Variants in GLIS3 observed in about 807,000 individuals in gnomAD.
GLIS3 encodes GLIS family zinc finger 3.
A neutral mutation model predicts 78.6 loss-of-function variants in GLIS3; 53 were observed. The observed-to-expected ratio is 0.67, with a 90% confidence interval of 0.54 to 0.85. GLIS3 has a LOEUF of 0.85. Ranked by LOEUF, GLIS3 falls within the 40% of genes least tolerant of loss-of-function variation. The pLI is 0.00. For synonymous variants in GLIS3, 684 were observed against 509.9 expected (o/e 1.34, Z -4.60); for missense variants, 1,703 against 1,231.1 (o/e 1.38, Z -5.74).
chr9:4,400,940 C>T, the GLIS3 span, among the ~76,000 whole-genome samples: 4 of 152,204 alleles, frequency 2.6e-5, no homozygotes, highest in African/African-American at 9.6e-5. Context: ...CCGTAGGCCT[C>T]GGGCTCTGAG....
intron 2 of GLIS3, among the ~76,000 whole-genome samples, chr9:4,232,288 G>A (rs1361166836): frequency 3.3e-5 from 5 of 150,592 alleles, no homozygotes; most frequent in Admixed American, 2.7e-4. Flanking sequence ...TGCCAAGGCA[G>A]GGGGATCACT....
the GLIS3 span, among the ~76,000 whole-genome samples, chr9:4,357,011 G>A: frequency 1.3e-5 from 2 of 152,158 alleles, no homozygotes; most frequent in Admixed American, 6.5e-5. Flanking sequence ...ATCTAAAATT[G>A]AAATCTAGCA....
intron 2 of GLIS3, among the ~76,000 whole-genome samples, chr9:4,133,247 G>C (rs560888277): frequency 1.4e-4 from 22 of 152,144 alleles, no homozygotes; most frequent in African/African-American, 4.8e-4. Flanking sequence ...TATAATCATT[G>C]AATTCAAGAC....
chr9:4,143,541 T>A (rs575337033), intron 2 of GLIS3, among the ~76,000 whole-genome samples: 1 of 150,780 alleles, frequency 6.6e-6, no homozygotes, highest in Non-Finnish European at 1.5e-5. Flanking sequence ...CACTCCAGCC[T>A]GGGCGACAGA....
At chr9:4,172,763 T>A (rs1376905453) in intron 2 of GLIS3, among the ~76,000 whole-genome samples, 1 of 152,198 alleles carries the variant, frequency 6.6e-6, no homozygotes, top group Admixed American at 6.5e-5. Context: ...AAACTCAAGC[T>A]ATGCAATACC....
chr9:4,264,068 C>T (rs1187682199), intron 2 of GLIS3, among the ~76,000 whole-genome samples: 2 of 152,198 alleles, frequency 1.3e-5, no homozygotes, highest in Admixed American at 1.3e-4. Context: ...TACCCAACAT[C>T]CCCACTTGAA....
At chr9:4,026,026 C>A (rs1823310335) in intron 4 of GLIS3, among the ~76,000 whole-genome samples, 1 of 152,172 alleles carries the variant, frequency 6.6e-6, no homozygotes, top group African/African-American at 2.4e-5. Flanking sequence ...AATTTGCTAA[C>A]ATAATCTATG....
intron 2 of GLIS3, among the ~76,000 whole-genome samples, chr9:4,163,280 GCA>G (rs893875964): frequency 2.6e-4 from 39 of 151,994 alleles, no homozygotes; most frequent in African/African-American, 8.7e-4. Flanking sequence ...GCGCACGCGC[GCA>G]CACATACCAT....
At chr9:4,139,456 C>A (rs1336021224) in intron 2 of GLIS3, among the ~76,000 whole-genome samples, 5 of 152,172 alleles carry the variant, frequency 3.3e-5, no homozygotes, top group Non-Finnish European at 1.5e-5. Context: ...GACTGAGGTC[C>A]CTGGTGGACA....
At chr9:4,396,851 A>T in the GLIS3 span, among the ~76,000 whole-genome samples, 1 of 152,062 alleles carries the variant, frequency 6.6e-6, no homozygotes, top group Non-Finnish European at 1.5e-5. Flanking sequence ...TTTGAAGTAA[A>T]GCGAGCCTGA....
intron 4 of GLIS3, among the ~76,000 whole-genome samples, chr9:4,084,256 A>C (rs1047019060): frequency 5.3e-5 from 7 of 132,198 alleles, no homozygotes; most frequent in East Asian, 4.5e-4. Context: ...TCCTCTCTCT[A>C]ACACACACAC....
At position 4,042,889 on chromosome 9, in the gene GLIS3, T is replaced by C. The variant is rs150531056; in HGVS notation, c.1710+74879A>G. Among the ~76,000 whole-genome samples, 239 of 151,376 alleles carry C rather than the reference T, an allele frequency of 1.6e-3. 2 individuals carry two copies. The highest frequency in any genetic ancestry group is 5.4e-3 in the African/African-American group (222 of 41,140). ...TTGAGTAAAAACTTGAAAGTACACA[T>C]TATTATGAGCAGAATGCAGCTATGT... is the stretch of plus-strand genomic sequence containing the variant. On this transcript the variant is annotated intron_variant, in intron 4 of 10. Coordinates refer to ENST00000381971, the MANE Select transcript of GLIS3 (RefSeq NM_001042413.2).
chr9:3,998,730 T>C (rs1820915442), intron 4 of GLIS3, among the ~76,000 whole-genome samples: 1 of 150,094 alleles, frequency 6.7e-6, no homozygotes, highest in South Asian at 2.1e-4. Context: ...TACTACTTTT[T>C]ATCCTTTATG....
chr9:4,274,565 A>T (rs1197676377), intron 2 of GLIS3, among the ~76,000 whole-genome samples: 1 of 152,216 alleles, frequency 6.6e-6, no homozygotes, highest in South Asian at 2.1e-4. Context: ...GAAGTGGAAG[A>T]GTCAGCGGTC....
chr9:4,369,927 C>T, the GLIS3 span, among the ~76,000 whole-genome samples: 15 of 152,158 alleles, frequency 9.9e-5, no homozygotes, highest in African/African-American at 3.6e-4. Context: ...CAAGGTGGCT[C>T]ATGCCCATAA....
intron 2 of GLIS3, among the ~76,000 whole-genome samples, chr9:4,227,596 G>A (rs959359824): frequency 1.8e-4 from 28 of 152,188 alleles, no homozygotes; most frequent in African/African-American, 6.5e-4. Flanking sequence ...GGAAAAGCCA[G>A]TAACTGCAAG....
intron 7 of GLIS3, among the ~76,000 whole-genome samples, chr9:3,892,097 C>G (rs1413785927): frequency 6.6e-6 from 1 of 152,018 alleles, no homozygotes; most frequent in Non-Finnish European, 1.5e-5. Flanking sequence ...AGTAGAAACG[C>G]CAGGGTAAGA....
rs190923453 is a variant in GLIS3, at chr9:3,902,960, C to G, written c.1984-4125G>C. ...GAAAAGTCACAGGAGGAGAGGATAC[C>G]TACAAATGCTAGGAATGTCTGCAAG... On this transcript the variant is annotated intron_variant, in intron 6 of 10. Transcript: ENST00000381971. 2.0e-5 allele frequency among the ~76,000 whole-genome samples: 3 copies of G among 152,224 alleles called. No homozygotes were observed. The East Asian group carries it at 5.8e-4, about 29-fold the overall frequency.
intron 2 of GLIS3, among the ~76,000 whole-genome samples, chr9:4,175,405 C>A (rs916027107): frequency 6.6e-6 from 1 of 152,210 alleles, no homozygotes; most frequent in Non-Finnish European, 1.5e-5. Context: ...CTCCACAGTT[C>A]TGGAACTTAT....
Sources: allele counts gnomAD v4.1 joint callset (sites outside exome capture counted in the v4.1 genomes callset), GRCh38; gene constraint gnomAD v4.1.1; transcripts MANE v1.5; gene names NCBI Gene and HGNC (gene_info 2026-07-23, HGNC 2026-07-21).